The following KIAA0232 variants were observed in gnomAD, a reference collection of about 807,000 sequenced individuals.
KIAA0232 encodes KIAA0232, also known as uncharacterized protein KIAA0232.
Under a neutral mutation model 122.0 loss-of-function variants are expected in KIAA0232, and 27 were observed. The observed-to-expected ratio is 0.22, with a 90% confidence interval of 0.16 to 0.31. The LOEUF is 0.31. Among genes scored for constraint, KIAA0232 ranks in the 10% least tolerant of loss-of-function variants. The pLI is 1.00. For synonymous variants in KIAA0232, 613 were observed against 587.6 expected (o/e 1.04, Z -0.63); for missense variants, 1,551 against 1,634.2 (o/e 0.95, Z 0.88).
Position 6,861,077 on chromosome 4 carries a change from C to T in KIAA0232, c.695C>T (p.Thr232Ile). 1 of 1,614,052 alleles carries T rather than the reference C, an allele frequency of 6.2e-7. No individual in the cohort carries two copies. The highest frequency in any genetic ancestry group is 8.5e-7 in the Non-Finnish European group (1 of 1,180,018). ...GACTGCAACAGTGAAAGTGAAGTCA[C>T]CAAGGAAAGAAGCAGTGAAGTACCC... ...PKDCNSESEV[T>I]KERSSEVPTT... Residue 232 changes from threonine to isoleucine, a missense_variant, in exon 7 of 10, where the codon ACC (threonine) becomes ATC (isoleucine). This residue lies in a region of KIAA0232 where 377 missense variants were observed against 381.7 expected (regional missense o/e 0.99). Coordinates refer to ENST00000307659, the MANE Select transcript of KIAA0232 (RefSeq NM_014743.3).
At chr4:6,871,994 GCA>G (rs1203548180) in intron 8 of KIAA0232, among the ~76,000 whole-genome samples, 5 of 152,236 alleles carry the variant, frequency 3.3e-5, no homozygotes, top group Admixed American at 6.5e-5. Flanking sequence ...AGAGTTGCCT[GCA>G]CAGAGGCAGG....
At chr4:6,853,925 A>G (rs1261171539) in intron 4 of KIAA0232, among the ~76,000 whole-genome samples, 2 of 152,166 alleles carry the variant, frequency 1.3e-5, no homozygotes, top group Non-Finnish European at 2.9e-5. Flanking sequence ...CTCCATCATC[A>G]TTTAACTCTT....
At chr4:6,868,255 C>T (rs1245331858) in intron 7 of KIAA0232, among the ~76,000 whole-genome samples, 1 of 152,152 alleles carries the variant, frequency 6.6e-6, no homozygotes. Context: ...AAGTTTATGT[C>T]TTCTTTTCAC....
chr4:6,806,537 G>A (rs934975973), intron 2 of KIAA0232, among the ~76,000 whole-genome samples: 1 of 151,706 alleles, frequency 6.6e-6, no homozygotes, highest in Non-Finnish European at 1.5e-5. Context: ...AATCGAGACC[G>A]TCCTTGCTAA....
At chr4:6,845,143 C>T (rs561612664) in intron 4 of KIAA0232, among the ~76,000 whole-genome samples, 75 of 152,170 alleles carry the variant, frequency 4.9e-4, no homozygotes, top group Non-Finnish European at 9.0e-4. Flanking sequence ...CTGTCCAACA[C>T]CATTCATCTA....
intron 2 of KIAA0232, among the ~76,000 whole-genome samples, chr4:6,806,955 G>C (rs1577361857): frequency 6.6e-6 from 1 of 151,604 alleles, no homozygotes; most frequent in East Asian, 1.9e-4. Context: ...TAGTACTTCT[G>C]AATCTATGTA....
At chr4:6,873,285 C>T (rs1387307066) in intron 8 of KIAA0232, among the ~76,000 whole-genome samples, 6 of 152,192 alleles carry the variant, frequency 3.9e-5, no homozygotes, top group African/African-American at 1.4e-4. Flanking sequence ...TCTTGTGGTC[C>T]AGAAGTTTTG....
chr4:6,808,705 C>G (rs909415563), intron 2 of KIAA0232, among the ~76,000 whole-genome samples: 2 of 151,984 alleles, frequency 1.3e-5, no homozygotes, highest in Admixed American at 1.3e-4. Context: ...TAGTCCCTGC[C>G]TGTGGACTCA....
Position 6,850,278 on chromosome 4 carries a change from G to T in KIAA0232, c.370-6886G>T, listed in dbSNP as rs572470741. Among the ~76,000 whole-genome samples the T allele has an allele frequency of 1.3e-4, 20 of 152,186 alleles. No individual in the cohort carries two copies. The East Asian group carries it at 3.9e-3, about 29-fold the overall frequency. ...TGAAGTTGAAGAAGCCAGGTGTTGG[G>T]GGCACAGCTGGAGACCCATGTACGC... is the stretch of plus-strand genomic sequence containing the variant. On this transcript the variant is annotated intron_variant, in intron 4 of 9. Coordinates refer to ENST00000307659, the MANE Select transcript of KIAA0232 (RefSeq NM_014743.3).
At chr4:6,807,796 A>G (rs1005241665) in intron 2 of KIAA0232, among the ~76,000 whole-genome samples, 20 of 152,352 alleles carry the variant, frequency 1.3e-4, no homozygotes, top group African/African-American at 4.6e-4. Flanking sequence ...AGACAAGGCC[A>G]GGCACAGTGA....
intron 2 of KIAA0232, among the ~76,000 whole-genome samples, chr4:6,812,210 T>C (rs1437571373): frequency 1.3e-5 from 2 of 152,240 alleles, no homozygotes; most frequent in South Asian, 2.1e-4. Flanking sequence ...ACATAGTCAT[T>C]TGCTAGAGGG....
Position 6,882,691 on chromosome 4 carries a change from ATTTAT to A in KIAA0232, c.*1728_*1732del, listed in dbSNP as rs892416790. 2.0e-5 allele frequency: 3 copies of A among 152,444 alleles called. No individual in the cohort carries two copies. The highest frequency in any genetic ancestry group is 7.3e-5 in the African/African-American group (3 of 41,344). 9.4% of individuals were successfully genotyped at this position (152,444 alleles called of 1,614,324 possible). On this transcript the variant is annotated 3_prime_UTR_variant, in exon 10 of 10. Transcript: ENST00000307659. ...ATGTGTAAGGTTTTATGTTGCTGTT[ATTTAT>A]TTACGAACTTCAGATACGTTTTTAT...
At chr4:6,817,192 A>T (rs1718172494) in intron 2 of KIAA0232, among the ~76,000 whole-genome samples, 1 of 152,068 alleles carries the variant, frequency 6.6e-6, no homozygotes, top group Non-Finnish European at 1.5e-5. Flanking sequence ...CTTTCTCAGG[A>T]CTGCTTTTGT....
At chr4:6,876,809 C>A in intron 9 of KIAA0232, 52 bp downstream of exon 9, 1 of 1,261,370 alleles carries the variant, frequency 7.9e-7, no homozygotes, top group South Asian at 1.2e-5. Context: ...GCCACCACCT[C>A]CAGTTGTCAC....
intron 1 of KIAA0232, among the ~76,000 whole-genome samples, chr4:6,792,850 C>T (rs1297330614): frequency 1.3e-5 from 2 of 151,914 alleles, no homozygotes; most frequent in East Asian, 1.9e-4. Flanking sequence ...CCACCACGCC[C>T]GGCTAATGTT....
intron 1 of KIAA0232, among the ~76,000 whole-genome samples, chr4:6,785,000 C>G (rs1173929266): frequency 6.8e-6 from 1 of 147,356 alleles, no homozygotes; most frequent in Non-Finnish European, 1.5e-5. Flanking sequence ...AGTCCGCGAT[C>G]TCGGCTCACT....
At chr4:6,843,225 A>C (rs900913873) in intron 4 of KIAA0232, among the ~76,000 whole-genome samples, 1 of 152,200 alleles carries the variant, frequency 6.6e-6, no homozygotes, top group Non-Finnish European at 1.5e-5. Flanking sequence ...TGAAAGAGTC[A>C]TTTTGCTTTG....
At chr4:6,853,867 C>A (rs16839386) in intron 4 of KIAA0232, among the ~76,000 whole-genome samples, 2,609 of 152,194 alleles carry the variant, frequency 0.017, 79 homozygotes, top group African/African-American at 0.06. Flanking sequence ...AAATAAGACC[C>A]TCATGAAGTA....
chr4:6,839,575 A>G (rs993745170), intron 3 of KIAA0232, among the ~76,000 whole-genome samples: 7 of 152,342 alleles, frequency 4.6e-5, no homozygotes, highest in Admixed American at 3.3e-4. Flanking sequence ...GAATAAAGGA[A>G]TAGTGTGTAT....
Sources: allele counts gnomAD v4.1 joint callset (sites outside exome capture counted in the v4.1 genomes callset), GRCh38; gene constraint gnomAD v4.1.1; regional missense constraint gnomAD v4.1.1; transcripts MANE v1.5; gene names NCBI Gene and HGNC (gene_info 2026-07-23, HGNC 2026-07-21).